Variants in MAP3K4 observed in about 807,000 individuals in gnomAD.
MAP3K4 encodes the protein mitogen-activated protein kinase kinase kinase 4.
In MAP3K4, 67 loss-of-function variants were observed where a neutral mutation model predicts 185.6. The ratio of observed to expected loss-of-function variants is 0.36; its 90% CI spans 0.30 to 0.44. The LOEUF (loss-of-function observed/expected upper bound fraction) is 0.44, where lower values mean the gene tolerates loss of function less well. Ranked by LOEUF, MAP3K4 falls within the 20% of genes least tolerant of loss-of-function variation. MAP3K4 has a pLI of 1.00. For missense variants in MAP3K4, 1,551 were observed against 1,995.1 expected, an observed-to-expected ratio of 0.78 and a Z score of 4.24; for synonymous variants, 702 against 710.4, an observed-to-expected ratio of 0.99 and a Z score of 0.19.
intron 11 of MAP3K4, among the ~76,000 whole-genome samples, chr6:161,090,335 T>TGAC (rs1280773067): frequency 6.6e-6 from 1 of 152,210 alleles, no homozygotes; most frequent in African/African-American, 2.4e-5. Flanking sequence ...GTGATGTTGC[T>TGAC]GACAGAGGTG....
Position 161,089,047 on chromosome 6 carries a change from G to T in MAP3K4, c.2824-275G>T, listed in dbSNP as rs532640337. On this transcript the variant is annotated intron_variant, in intron 10 of 26. Transcript: ENST00000392142. ...ACACACTCACACACACTCTGCACTG[G>T]CAGTACTGAACTACTTGAAGTTCTA... Among the ~76,000 whole-genome samples the T allele has an allele frequency of 9.9e-5, 15 of 152,006 alleles. No homozygotes were observed. The South Asian group carries it at 3.1e-3, about 32-fold the overall frequency.
At chr6:161,081,711 G>A (rs552756912) in intron 6 of MAP3K4, among the ~76,000 whole-genome samples, 2 of 152,288 alleles carry the variant, frequency 1.3e-5, no homozygotes, top group East Asian at 1.9e-4. Flanking sequence ...GGCACAGGCC[G>A]CGTCTCCGTG....
At chr6:161,024,378 T>C (rs1189581769) in intron 1 of MAP3K4, among the ~76,000 whole-genome samples, 2 of 152,126 alleles carry the variant, frequency 1.3e-5, no homozygotes, top group East Asian at 3.8e-4. Context: ...TTCATATATT[T>C]GTCACGACTA....
intron 2 of MAP3K4, among the ~76,000 whole-genome samples, chr6:161,044,809 G>A (rs1374626526): frequency 6.6e-6 from 1 of 152,160 alleles, no homozygotes; most frequent in Non-Finnish European, 1.5e-5. Context: ...AAGGTGAAGA[G>A]GAAGCAGGCA....
At chr6:161,062,718 A>G (rs895038632) in intron 3 of MAP3K4, among the ~76,000 whole-genome samples, 3 of 152,208 alleles carry the variant, frequency 2.0e-5, no homozygotes, top group Non-Finnish European at 2.9e-5. Context: ...TCTGATGACA[A>G]TGTGATTTTT....
At position 161,017,356 on chromosome 6, in the gene MAP3K4, G is replaced by A. The variant is rs1782163658; in HGVS notation, c.153-16903G>A. Among the ~76,000 whole-genome samples, 1 of 152,126 alleles carries A rather than the reference G, an allele frequency of 6.6e-6. No homozygotes were observed. The highest frequency in any genetic ancestry group is 2.4e-5 in the African/African-American group (1 of 41,426). On this transcript the variant is annotated intron_variant, in intron 1 of 26. Transcript: ENST00000392142. This position sits in a 1 kb window ranked among gnomAD's most constrained non-coding sequence, Gnocchi z 5.1. ...AATGATATTTCCCCCTCAGTAATAG[G>A]GATGAGGGTGATAGAACTACTAACT...
At chr6:161,015,336 G>A (rs1454557506) in intron 1 of MAP3K4, among the ~76,000 whole-genome samples, 1 of 152,040 alleles carries the variant, frequency 6.6e-6, no homozygotes, top group African/African-American at 2.4e-5. Flanking sequence ...GCATCAGAAA[G>A]AACAGCTCAT....
At position 161,048,637 on chromosome 6, in the gene MAP3K4, A is replaced by G. The variant is rs903202788; in HGVS notation, c.365A>G (p.Gln122Arg). The G allele has an allele frequency of 1.9e-6, 3 of 1,589,744 alleles. No individual in the cohort carries two copies. The highest frequency in any genetic ancestry group is 1.7e-4 in the Middle Eastern group (1 of 5,890). ...ATAGAAAAAATGAATGCACCAAATC[A>G]GCCTCCACATAAAGACACTGGAAAA... The part of the protein sequence containing the change: ...NLKEKMNAPN[Q>R]PPHKDTGKTV... The change falls in exon 3 of 27, where the codon CAG (glutamine) becomes CGG (arginine). Residue 122 changes from glutamine (Q) to arginine (R), a missense_variant. Gln to Arg is a conservative substitution (Grantham distance 43). Coordinates refer to ENST00000392142, the MANE Select transcript of MAP3K4 (RefSeq NM_005922.4). This position sits in a 1 kb window ranked among gnomAD's most constrained non-coding sequence, Gnocchi z 4.7.
rs1268474683 is a variant in MAP3K4, at chr6:161,103,956, G to C, written c.3856+1177G>C. ...GGGGAGTTTTCCTAGGCTTGAGCCA[G>C]GTGACAGGAAGACAGTTTCTTCAGT... is the stretch of plus-strand genomic sequence containing the variant. On this transcript the variant is annotated intron_variant, in intron 19 of 26. Transcript: ENST00000392142. This position sits in a 1 kb window ranked among gnomAD's most constrained non-coding sequence, Gnocchi z 4.6. Among the ~76,000 whole-genome samples the C allele has an allele frequency of 6.6e-6, 1 of 152,116 alleles. No homozygotes were observed.
rs146269212 is a variant in MAP3K4, at chr6:161,107,008, C to A, written c.4048+303C>A. 2.0e-5 allele frequency among the ~76,000 whole-genome samples: 3 copies of A among 150,570 alleles called. No individual in the cohort carries two copies. The highest frequency in any genetic ancestry group is 4.4e-5 in the Non-Finnish European group (3 of 67,774). ...CAGTGGAGAGGTACCAAAATTTGACCCATTTGTTCTAGTTTCTCTCTCTCT... is the reference window on the plus strand; with the variant it reads ...CAGTGGAGAGGTACCAAAATTTGACACATTTGTTCTAGTTTCTCTCTCTCT... On this transcript the variant is annotated intron_variant, in intron 20 of 26. Coordinates refer to ENST00000392142, the MANE Select transcript of MAP3K4 (RefSeq NM_005922.4). This position sits in a 1 kb window ranked among gnomAD's most constrained non-coding sequence, Gnocchi z 6.2.
chr6:161,083,766 T>C (rs1785567888), intron 6 of MAP3K4, among the ~76,000 whole-genome samples: 1 of 152,242 alleles, frequency 6.6e-6, no homozygotes, highest in African/African-American at 2.4e-5. Flanking sequence ...ATTCTGCATT[T>C]GCCTGCAAGG....
intron 1 of MAP3K4, among the ~76,000 whole-genome samples, chr6:161,028,435 T>G (rs2115143900): frequency 6.6e-6 from 1 of 152,314 alleles, no homozygotes; most frequent in South Asian, 2.1e-4. Flanking sequence ...ATTTTAAAAA[T>G]AGTGAAATGT....
At chr6:161,099,491 T>A (rs1777732420) in intron 17 of MAP3K4, among the ~76,000 whole-genome samples, 1 of 152,248 alleles carries the variant, frequency 6.6e-6, no homozygotes, top group East Asian at 1.9e-4. Context: ...TTAACAACAT[T>A]GAACAAATTC....
intron 1 of MAP3K4, among the ~76,000 whole-genome samples, chr6:161,010,579 GC>G (rs1418060056): frequency 6.6e-6 from 1 of 152,044 alleles, no homozygotes; most frequent in African/African-American, 2.4e-5. Flanking sequence ...TTGCACAATT[GC>G]CTACTCTTTA....
At position 161,074,191 on chromosome 6, in the gene MAP3K4, C is replaced by G. The variant is rs896656620; in HGVS notation, c.2097+579C>G. 1.3e-5 allele frequency among the ~76,000 whole-genome samples: 2 copies of G among 152,190 alleles called. No individual in the cohort carries two copies. The highest frequency in any genetic ancestry group is 4.8e-5 in the African/African-American group (2 of 41,436). Reference sequence around the variant, plus strand: ...CTGGGAGGCACTTCCAGTGAGGAAGCTGAATCTTAAAAAGATGAGTTAAGG... The same window carrying G: ...CTGGGAGGCACTTCCAGTGAGGAAGGTGAATCTTAAAAAGATGAGTTAAGG... On this transcript the variant is annotated intron_variant, in intron 5 of 26. Transcript: ENST00000392142. This position sits in a 1 kb window ranked among gnomAD's most constrained non-coding sequence, Gnocchi z 5.0.
At position 161,093,419 on chromosome 6, in the gene MAP3K4, C is replaced by G. The variant is rs542970472; in HGVS notation, c.3349-354C>G. ...GCATCATGCTCGTGTTAAATATTAT[C>G]ACTGTTAGTCTGATAAGTGTCATCA... On this transcript the variant is annotated intron_variant, in intron 14 of 26. Coordinates refer to ENST00000392142, the MANE Select transcript of MAP3K4 (RefSeq NM_005922.4). The surrounding 1 kb of genome is among the most constrained non-coding windows in gnomAD (Gnocchi z 5.2). Among the ~76,000 whole-genome samples the G allele has an allele frequency of 6.6e-6, 1 of 152,176 alleles. No homozygotes were observed. The highest frequency in any genetic ancestry group is 2.4e-5 in the African/African-American group (1 of 41,444).
intron 7 of MAP3K4, among the ~76,000 whole-genome samples, chr6:161,085,195 G>T (rs183866354): frequency 5.7e-4 from 86 of 151,884 alleles, no homozygotes; most frequent in African/African-American, 2.0e-3. Context: ...TGAAAAAAAT[G>T]AGTAGAATTT....
chr6:161,049,177 A>G lies in MAP3K4; in HGVS notation c.905A>G (p.Lys302Arg). The G allele has an allele frequency of 1.2e-6, 2 of 1,614,120 alleles. No individual in the cohort carries two copies. The highest frequency in any genetic ancestry group is 1.7e-6 in the Non-Finnish European group (2 of 1,179,994). Residue 302 changes from lysine (K) to arginine (R), a missense_variant, in exon 3 of 27, where the codon AAA becomes AGA. This residue lies in a region of MAP3K4 where 69 missense variants were observed against 124.8 expected (regional missense o/e 0.55). Coordinates refer to ENST00000392142, the MANE Select transcript of MAP3K4 (RefSeq NM_005922.4). This position sits in a 1 kb window ranked among gnomAD's most constrained non-coding sequence, Gnocchi z 8.4. ...PDIINEILTF[K>R]VDYGSFAFVR... ...ATTATTAATGAAATCCTTACTTTCA[A>G]AGTCGACTATGGGAGCTTCGCCTTT...
intron 6 of MAP3K4, among the ~76,000 whole-genome samples, chr6:161,083,177 G>C (rs1473272636): frequency 6.6e-6 from 1 of 151,908 alleles, no homozygotes; most frequent in African/African-American, 2.4e-5. Flanking sequence ...ACTTCCTTCA[G>C]GTCTTTATCC....
Sources: gnomAD v4.1 joint callset for allele counts (sites outside exome capture counted in the v4.1 genomes callset) on GRCh38, gnomAD v4.1.1 for gene constraint, gnomAD v4.1.1 regional missense constraint, Gnocchi (gnomAD v3.1) non-coding constraint, MANE v1.5 for transcripts, NCBI Gene and HGNC (gene_info 2026-07-23, HGNC 2026-07-21) for gene names.